AGAP1: variants seen among roughly 807,000 people sequenced by gnomAD.
The protein encoded by AGAP1 is arf-GAP with GTPase, ANK repeat and PH domain-containing protein 1.
A neutral mutation model predicts 105.3 loss-of-function variants in AGAP1; 29 were observed. The observed-to-expected ratio is 0.28, with a 90% confidence interval of 0.21 to 0.38. AGAP1 has a LOEUF of 0.38. Ranked by LOEUF, AGAP1 falls within the 10% of genes least tolerant of loss-of-function variation. AGAP1 has a pLI of 1.00. For synonymous variants in AGAP1, 509 were observed against 485.9 expected, an observed-to-expected ratio of 1.05 and a Z score of -0.63; for missense variants, 998 against 1,165.1, an observed-to-expected ratio of 0.86 and a Z score of 2.09.
intron 9 of AGAP1, among the ~76,000 whole-genome samples, chr2:235,868,562 G>A (rs1409227416): frequency 1.3e-5 from 2 of 152,168 alleles, no homozygotes; most frequent in Non-Finnish European, 2.9e-5. Flanking sequence ...TGATCCCTGT[G>A]CGAGCAGAGG....
chr2:235,800,831 A>T (rs115989078), intron 8 of AGAP1, among the ~76,000 whole-genome samples: 2,154 of 152,290 alleles, frequency 0.014, 39 homozygotes, highest in African/African-American at 0.049. Context: ...CCCTCACAGC[A>T]GGGAATTATC....
chr2:235,564,488 G>A lies in AGAP1; in HGVS notation c.163+69639G>A, dbSNP rs181461861. On this transcript the variant is annotated intron_variant, in intron 1 of 17. Coordinates refer to ENST00000304032, the MANE Select transcript of AGAP1 (RefSeq NM_001037131.3). ...TCTATACTTCTGAGTATATCTTCAA[G>A]TGCTACTCCTAAATTTAAGGTTCTT... 6.8e-4 allele frequency among the ~76,000 whole-genome samples: 103 copies of A among 152,306 alleles called. 1 individual carries two copies. Among genetic ancestry groups the A allele is most frequent in the East Asian group, 5.0e-3 (26 of 5,186 alleles).
In AGAP1 at chr2:236,082,174, C is replaced by G. The variant is rs1373534395; in HGVS notation, c.2114+32893C>G. Among the ~76,000 whole-genome samples, 1 of 152,210 alleles carries G rather than the reference C, an allele frequency of 6.6e-6. No homozygotes were observed. Among genetic ancestry groups the G allele is most frequent in the East Asian group, 1.9e-4 (1 of 5,194 alleles). ...CTGTAAGTTTTCCCTCTAGAACAAA[C>G]CTATCATTTTTCACCACGGGATATT... On this transcript the variant is annotated intron_variant, in intron 16 of 17. Coordinates refer to ENST00000304032, the MANE Select transcript of AGAP1 (RefSeq NM_001037131.3). The surrounding 1 kb of genome is among the most constrained non-coding windows in gnomAD (Gnocchi z 4.2).
At chr2:235,591,110 G>A (rs1372962948) in intron 1 of AGAP1, among the ~76,000 whole-genome samples, 1 of 151,952 alleles carries the variant, frequency 6.6e-6, no homozygotes, top group Non-Finnish European at 1.5e-5. Context: ...CTGCCTTCCG[G>A]GTTCAAGCAA....
In AGAP1 at chr2:235,530,912, A is replaced by G. The variant is rs148836994; in HGVS notation, c.163+36063A>G. Among the ~76,000 whole-genome samples the G allele has an allele frequency of 1.4e-3, 219 of 152,166 alleles. 1 individual carries two copies. Among genetic ancestry groups the G allele is most frequent in the African/African-American group, 4.9e-3 (203 of 41,520 alleles). ...TCTCCTGAGGGCTGACTCTTCCCTC[A>G]CTGTGGGAGACCCTGCACACCTGCT... On this transcript the variant is annotated intron_variant, in intron 1 of 17. Coordinates refer to ENST00000304032, the MANE Select transcript of AGAP1 (RefSeq NM_001037131.3).
intron 6 of AGAP1, among the ~76,000 whole-genome samples, chr2:235,779,116 T>C (rs1227469538): frequency 6.6e-6 from 1 of 152,220 alleles, no homozygotes; most frequent in Non-Finnish European, 1.5e-5. Flanking sequence ...CCACCCCTGT[T>C]AGGCAACCTA....
At chr2:236,054,431 C>A (rs1342915949) in intron 16 of AGAP1, among the ~76,000 whole-genome samples, 2 of 138,284 alleles carry the variant, frequency 1.4e-5, no homozygotes, top group Non-Finnish European at 3.0e-5. Flanking sequence ...AATGTTTTGT[C>A]TCTTTTGAGT....
chr2:235,643,782 A>G (rs550354096), intron 1 of AGAP1, among the ~76,000 whole-genome samples: 1 of 152,114 alleles, frequency 6.6e-6, no homozygotes, highest in Non-Finnish European at 1.5e-5. Flanking sequence ...CACTGTTGAA[A>G]CATAGCTTAG....
At position 235,988,869 on chromosome 2, in the gene AGAP1, C is replaced by A. The variant is rs1489189391; in HGVS notation, c.1645+20246C>A. ...CCTTGACTCTCATCACTCACATGGT[C>A]CCCCAGCAGGTAACTTGCTTCAGCG... On this transcript the variant is annotated intron_variant, in intron 13 of 17. Coordinates refer to ENST00000304032, the MANE Select transcript of AGAP1 (RefSeq NM_001037131.3). This position sits in a 1 kb window ranked among gnomAD's most constrained non-coding sequence, Gnocchi z 4.7. Among the ~76,000 whole-genome samples, 1 of 152,090 alleles carries A rather than the reference C, an allele frequency of 6.6e-6. No homozygotes were observed. The highest frequency in any genetic ancestry group is 1.5e-5 in the Non-Finnish European group (1 of 68,012).
intron 12 of AGAP1, among the ~76,000 whole-genome samples, chr2:235,966,693 T>C (rs1248668909): frequency 6.6e-6 from 1 of 152,118 alleles, no homozygotes; most frequent in Non-Finnish European, 1.5e-5. Context: ...TGTCCAGTGC[T>C]GCCTGGGCTG....
rs1959270060 is a variant in AGAP1, at chr2:235,830,867, T to C, written c.1050+23536T>C. 6.6e-6 allele frequency among the ~76,000 whole-genome samples: 1 copy of C among 152,186 alleles called. No individual in the cohort carries two copies. Among genetic ancestry groups the C allele is most frequent in the Non-Finnish European group, 1.5e-5 (1 of 68,020 alleles). ...GGCCCAGTAGTCAACTCCTAACTAA[T>C]AGAGTAGTTATTAGCTGGTTAGTTG... On this transcript the variant is annotated intron_variant, in intron 9 of 17. Transcript: ENST00000304032. This position sits in a 1 kb window ranked among gnomAD's most constrained non-coding sequence, Gnocchi z 5.5.
Position 235,557,591 on chromosome 2 carries a change from C to T in AGAP1, c.163+62742C>T, listed in dbSNP as rs1944014072. On this transcript the variant is annotated intron_variant, in intron 1 of 17. Transcript: ENST00000304032. The surrounding 1 kb of genome is among the most constrained non-coding windows in gnomAD (Gnocchi z 4.7). ...TTTTCTGTGCCAATAACTCTCAGTGCTTAACCTGAAGAAGCCCACTTAATC... is the reference window on the plus strand; with the variant it reads ...TTTTCTGTGCCAATAACTCTCAGTGTTTAACCTGAAGAAGCCCACTTAATC... 6.6e-6 allele frequency among the ~76,000 whole-genome samples: 1 copy of T among 152,180 alleles called. No homozygotes were observed.
In AGAP1 at chr2:235,995,107, C is replaced by T. The variant is rs1224254337; in HGVS notation, c.1645+26484C>T. The stretch of plus-strand genomic sequence containing the variant: ...AAAAAAAAAAAAACAGAATAAGATA[C>T]AACAGTATCTTATTCTGTACCACAG... On this transcript the variant is annotated intron_variant, in intron 13 of 17. Transcript: ENST00000304032. Among the ~76,000 whole-genome samples the T allele has an allele frequency of 4.5e-5, 6 of 132,278 alleles. No individual in the cohort carries two copies. In the East Asian group the frequency reaches 9.6e-4, roughly 21 times the overall value. 86.8% of individuals were successfully genotyped at this position (132,278 alleles called of 152,430 possible).
rs545891313 is a variant in AGAP1 at position 235,825,400 on chromosome 2, T to C, written c.1050+18069T>C. 9.8e-4 allele frequency among the ~76,000 whole-genome samples: 149 copies of C among 152,372 alleles called. 1 individual carries two copies. The highest frequency in any genetic ancestry group is 3.3e-3 in the African/African-American group (137 of 41,590). ...TATCTTGTTGGCCGTGCTTATGGCC[T>C]GAAAAGCAGCATTAACGAGTTTTTG... On this transcript the variant is annotated intron_variant, in intron 9 of 17. Transcript: ENST00000304032.
chr2:236,023,746 G>A (rs573729605), intron 13 of AGAP1, among the ~76,000 whole-genome samples: 17 of 152,198 alleles, frequency 1.1e-4, no homozygotes, highest in East Asian at 5.8e-4. Context: ...GCACCGTTGC[G>A]ATATCCCATT....
Position 235,647,120 on chromosome 2 carries a change from CAAA to C in AGAP1, c.164-62044_164-62042del, listed in dbSNP as rs72255791. Among the ~76,000 whole-genome samples, 415 of 117,594 alleles carry C rather than the reference CAAA, an allele frequency of 3.5e-3. 1 individual carries two copies. Among genetic ancestry groups the C allele is most frequent in the African/African-American group, 9.9e-3 (335 of 33,768 alleles). 77.1% of individuals were successfully genotyped at this position (117,594 alleles called of 152,430 possible). ...CACTGCACCACCCGAGACTCCGTCTCAAAAAAAAAAAAAAAAAGAAAAGTCAAG... is the reference window on the plus strand; with the variant it reads ...CACTGCACCACCCGAGACTCCGTCTCAAAAAAAAAAAAAAGAAAAGTCAAG... On this transcript the variant is annotated intron_variant, in intron 1 of 17. Coordinates refer to ENST00000304032, the MANE Select transcript of AGAP1 (RefSeq NM_001037131.3).
At chr2:236,048,666 A>G (rs2057800241) in intron 15 of AGAP1, among the ~76,000 whole-genome samples, 1 of 152,170 alleles carries the variant, frequency 6.6e-6, no homozygotes, top group Admixed American at 6.5e-5. Context: ...CCTCAGCACC[A>G]CTTCTCCTTC....
intron 9 of AGAP1, among the ~76,000 whole-genome samples, chr2:235,828,843 A>G (rs1360126476): frequency 6.6e-6 from 1 of 152,224 alleles, no homozygotes; most frequent in African/African-American, 2.4e-5. Context: ...CATGACTCAC[A>G]GCCCTTACCA....
rs1961344380 is a variant in AGAP1 at position 235,845,339 on chromosome 2, A to C, written c.1051-38006A>C. Among the ~76,000 whole-genome samples the C allele has an allele frequency of 6.6e-6, 1 of 152,172 alleles. No individual in the cohort carries two copies. Among genetic ancestry groups the C allele is most frequent in the Admixed American group, 6.5e-5 (1 of 15,286 alleles). On this transcript the variant is annotated intron_variant, in intron 9 of 17. Coordinates refer to ENST00000304032, the MANE Select transcript of AGAP1 (RefSeq NM_001037131.3). The surrounding 1 kb of genome is among the most constrained non-coding windows in gnomAD (Gnocchi z 4.8). ...TGTATGGTGTGCTCAGGGGACCCCC[A>C]GAGCAAAATCCAACACCATGCTGGC... is the stretch of plus-strand genomic sequence containing the variant.
Sources: allele counts gnomAD v4.1 joint callset (sites outside exome capture counted in the v4.1 genomes callset), GRCh38; gene constraint gnomAD v4.1.1; non-coding constraint Gnocchi (gnomAD v3.1); transcripts MANE v1.5; gene names NCBI Gene and HGNC (gene_info 2026-07-23, HGNC 2026-07-21).